The following TMEM270 variants were observed in gnomAD, a reference collection of about 807,000 sequenced individuals.
TMEM270 encodes the protein transmembrane protein 270, also known as Williams-Beuren syndrome chromosome region 28.
TMEM270 carries 30 observed loss-of-function variants against 29.9 expected under a neutral mutation model. That is an observed-to-expected ratio of 1.00 (90% confidence interval 0.75 to 1.36). TMEM270 has a LOEUF of 1.36. Among genes scored for constraint, TMEM270 ranks in the 40% most tolerant of loss-of-function variants. The pLI is 0.00. For missense variants in TMEM270, 313 were observed against 307.1 expected (o/e 1.02, Z -0.14); for synonymous variants, 135 against 139.8 (o/e 0.97, Z 0.24).
At chr7:73,861,800 C>T (rs985531557) in intron 1 of TMEM270, among the ~76,000 whole-genome samples, 15 of 149,704 alleles carry the variant, frequency 1.0e-4, no homozygotes, top group African/African-American at 3.2e-4. Flanking sequence ...TTTTCCCATT[C>T]ATTTTTTCTT....
intron 1 of TMEM270, among the ~76,000 whole-genome samples, chr7:73,861,862 G>A (rs749471247): frequency 3.3e-5 from 5 of 152,080 alleles, no homozygotes; most frequent in Admixed American, 1.3e-4. Flanking sequence ...GCAGTGGTGC[G>A]ATCTCGGCTC....
rs782267648 is a variant in TMEM270 at position 73,865,320 on chromosome 7, T to C, written c.400T>C (p.Cys134Arg). 3.2e-5 allele frequency: 51 copies of C among 1,613,198 alleles called. No individual in the cohort carries two copies. The highest frequency in any genetic ancestry group is 4.2e-5 in the Non-Finnish European group (49 of 1,179,942). The change falls in exon 2 of 3, where the codon TGT becomes CGT. Residue 134 changes from cysteine (C) to arginine (R), a missense_variant. By Grantham distance (180) the Cys-to-Arg change is radical (BLOSUM62 -3). Transcript: ENST00000320531. ...CATCTGGACAGATCTGTTTTTGTCA[T>C]GTCTGCACGGCCTGATGTTGGTGGC... ...VAIWTDLFLS[C>R]LHGLMLVALL... is the part of the protein sequence containing the mutation.
rs1554639785 is a variant in TMEM270 at position 73,865,223 on chromosome 7, C to T, written c.303C>T (p.Gly101=). The change falls in exon 2 of 3, where the codon GGC becomes GGT. Residue 101 remains glycine, a synonymous_variant. Transcript: ENST00000320531. ...AGGGACCCAGGCTGATGTGGGCTGGCATGTGGGGCAGCACCAAGGGCCTGG... is the reference window on the plus strand; with the variant it reads ...AGGGACCCAGGCTGATGTGGGCTGGTATGTGGGGCAGCACCAAGGGCCTGG... ...VLQGPRLMWA[G]MWGSTKGLGL... 6.2e-7 allele frequency: 1 copy of T among 1,613,694 alleles called. No homozygotes were observed. The highest frequency in any genetic ancestry group is 8.5e-7 in the Non-Finnish European group (1 of 1,179,998).
chr7:73,864,970 TGTC>T lies in TMEM270; in HGVS notation c.73-22_73-20del. 1 of 1,453,358 alleles carries T rather than the reference TGTC, an allele frequency of 6.9e-7. No individual in the cohort carries two copies. Among genetic ancestry groups the T allele is most frequent in the Middle Eastern group, 1.9e-4 (1 of 5,396 alleles). The allele number at this position is 1,453,358 out of a possible 1,614,324, so 90.0% of individuals were successfully genotyped here. On this transcript the variant is annotated intron_variant, in intron 1 of 2. Transcript: ENST00000320531. ...CAGGAGGGTGATGATGGCTGACGGT[TGTC>T]TCTCTCTCTTCTTCTGCAGTTGGTT...
intron 1 of TMEM270, 61 bp downstream of exon 1, chr7:73,861,327 C>T (rs1049785261): frequency 2.0e-5 from 31 of 1,522,928 alleles, no homozygotes; most frequent in African/African-American, 2.7e-5. Context: ...CACAGAGCCA[C>T]CTCAGAGCTG....
rs782076061 is a variant in TMEM270 at position 73,865,885 on chromosome 7, T to A, written c.*12T>A. The A allele has an allele frequency of 2.6e-5, 42 of 1,604,438 alleles. No homozygotes were observed. In the East Asian group the frequency reaches 9.4e-4, roughly 36 times the overall value. ...CTCCCAGAGAATAAATGTATCCCCA[T>A]CTGCCTCTCCTGGTCTGGCCTAGCC... On this transcript the variant is annotated 3_prime_UTR_variant, in exon 3 of 3. Coordinates refer to ENST00000320531, the MANE Select transcript of TMEM270 (RefSeq NM_182504.4).
rs1486763237 is a variant in TMEM270, at chr7:73,865,334, G to C, written c.414G>C (p.Leu138=). ...TDLFLSCLHG[L]MLVALLLVVV... is the part of the protein sequence containing the mutation. Reference sequence around the variant, plus strand: ...TGTTTTTGTCATGTCTGCACGGCCTGATGTTGGTGGCCTTGCTCTTGGTGG... The same window carrying C: ...TGTTTTTGTCATGTCTGCACGGCCTCATGTTGGTGGCCTTGCTCTTGGTGG... Residue 138 remains leucine, a synonymous_variant, in exon 2 of 3, where the codon CTG becomes CTC. Coordinates refer to ENST00000320531, the MANE Select transcript of TMEM270 (RefSeq NM_182504.4). 1.9e-6 allele frequency: 3 copies of C among 1,613,508 alleles called. No individual in the cohort carries two copies. In the African/African-American group the frequency reaches 4.0e-5, roughly 22 times the overall value.
chr7:73,861,938 AC>A (rs1788795897), intron 1 of TMEM270, among the ~76,000 whole-genome samples: 1 of 149,342 alleles, frequency 6.7e-6, no homozygotes, highest in South Asian at 2.1e-4. Flanking sequence ...AGCTGGGACT[AC>A]AGGCACGTGC....
chr7:73,861,980 T>G (rs184023875), intron 1 of TMEM270, among the ~76,000 whole-genome samples: 2 of 150,796 alleles, frequency 1.3e-5, no homozygotes, highest in African/African-American at 4.9e-5. Context: ...TTTTTTTTTT[T>G]GTATTTTTAG....
rs1345817369 is a variant in TMEM270 at position 73,861,582 on chromosome 7, G to A, written c.72+316G>A. 18 of 496,000 alleles carry A rather than the reference G, an allele frequency of 3.6e-5. 1 individual carries two copies. Among genetic ancestry groups the A allele is most frequent in the African/African-American group, 7.7e-5 (4 of 51,742 alleles). The allele number at this position is 496,000 out of a possible 1,614,324, so 30.7% of individuals were successfully genotyped here. A position where few individuals can be genotyped will look rare whatever the true frequency, so the allele number is the denominator to read the frequency against. Reference sequence around the variant, plus strand: ...CTCCCCCCTCAGCCTCCAAGTAGCCGGGACTATAGGTGTGCACCACCACGC... The same window carrying A: ...CTCCCCCCTCAGCCTCCAAGTAGCCAGGACTATAGGTGTGCACCACCACGC... On this transcript the variant is annotated intron_variant, in intron 1 of 2. Transcript: ENST00000320531.
rs377392877 is a variant in TMEM270 at position 73,865,110 on chromosome 7, C to A, written c.190C>A (p.Leu64Ile). The A allele has an allele frequency of 1.1e-5, 17 of 1,586,078 alleles. No individual in the cohort carries two copies. The Admixed American group carries it at 1.4e-4, about 13-fold the overall frequency. The part of the protein sequence containing the change: ...ARGSCNWQAH[L>I]PLGAAACPLG... ...GGGGTCCTGTAACTGGCAGGCCCAC[C>A]TACCCCTGGGAGCTGCAGCCTGCCC... The change falls in exon 2 of 3, where the codon CTA (leucine) becomes ATA (isoleucine). Residue 64 changes from leucine to isoleucine, a missense_variant. Leu to Ile is a conservative substitution (Grantham distance 5). Coordinates refer to ENST00000320531, the MANE Select transcript of TMEM270 (RefSeq NM_182504.4).
chr7:73,865,708 C>A lies in TMEM270; in HGVS notation c.633C>A (p.Ala211=). ...AYLITWTTCL[A]SHLLQAAFEH... is the part of the protein sequence containing the mutation. ...TCATCACCTGGACCACCTGCCTGGC[C>A]TCCCACCTGCTGCAGGCTGCCTTTG... Residue 211 remains alanine, a synonymous_variant, in exon 3 of 3, where the codon GCC becomes GCA. Coordinates refer to ENST00000320531, the MANE Select transcript of TMEM270 (RefSeq NM_182504.4). The A allele has an allele frequency of 6.2e-7, 1 of 1,614,118 alleles. No homozygotes were observed. The highest frequency in any genetic ancestry group is 8.5e-7 in the Non-Finnish European group (1 of 1,179,998).
intron 1 of TMEM270, among the ~76,000 whole-genome samples, chr7:73,862,089 G>A (rs539971337): frequency 4.7e-5 from 7 of 150,178 alleles, no homozygotes; most frequent in African/African-American, 9.8e-5. Context: ...AAGCCACTGC[G>A]CCTGGCTCAT....
At chr7:73,862,195 C>T (rs1554639395) in intron 1 of TMEM270, among the ~76,000 whole-genome samples, 1 of 151,796 alleles carries the variant, frequency 6.6e-6, no homozygotes, top group Non-Finnish European at 1.5e-5. Flanking sequence ...GCAACTTCCA[C>T]CTCCAGGTTC....
At chr7:73,863,804 T>G (rs1173593864) in intron 1 of TMEM270, among the ~76,000 whole-genome samples, 5 of 152,170 alleles carry the variant, frequency 3.3e-5, no homozygotes. Context: ...AATGGCATTG[T>G]CCTTTGCCCC....
intron 1 of TMEM270, among the ~76,000 whole-genome samples, chr7:73,862,872 GAAAAAAAAAAAAA>G (rs71082281): frequency 1.1e-4 from 5 of 44,084 alleles, no homozygotes; most frequent in African/African-American, 1.9e-4. Flanking sequence ...CCCTGTCTCA[GAAAAAAAAAAAAA>G]AAAAAAAAAA....
intron 1 of TMEM270, chr7:73,861,509 G>A (rs1554639258): frequency 3.2e-6 from 2 of 634,732 alleles, no homozygotes; most frequent in East Asian, 6.2e-5. Context: ...GAGCGCAGTG[G>A]TGCCGGCTCA....
At chr7:73,861,308 C>T (rs1554639212) in intron 1 of TMEM270, 42 bp downstream of exon 1, 2 of 1,578,976 alleles carry the variant, frequency 1.3e-6, no homozygotes, top group African/African-American at 1.3e-5. Flanking sequence ...GACCACACAC[C>T]AGGCCCTTCA....
chr7:73,862,906 CATCTTGGCTGTTTT>C (rs1315887139), intron 1 of TMEM270, among the ~76,000 whole-genome samples: 1 of 139,120 alleles, frequency 7.2e-6, no homozygotes, highest in Admixed American at 7.2e-5. Context: ...AAAAGATTTG[CATCTTGGCTGTTTT>C]ACCCTCTAGC....
Sources: allele counts gnomAD v4.1 joint callset (sites outside exome capture counted in the v4.1 genomes callset), GRCh38; gene constraint gnomAD v4.1.1; transcripts MANE v1.5; gene names NCBI Gene and HGNC (gene_info 2026-07-23, HGNC 2026-07-21).